Variants in RHBDD2 observed in about 807,000 individuals in gnomAD.
RHBDD2 encodes rhomboid domain-containing protein 2.
In RHBDD2, 13 loss-of-function variants were observed where a neutral mutation model predicts 21.7. The ratio of observed to expected loss-of-function variants is 0.60; its 90% CI spans 0.39 to 0.95. RHBDD2 has a LOEUF of 0.95. RHBDD2 is among the 40% of genes least tolerant of loss of function. The pLI, the probability that RHBDD2 is intolerant of heterozygous loss-of-function variation, is 0.00. For missense variants in RHBDD2, 473 were observed against 478.9 expected (o/e 0.99, Z 0.11); for synonymous variants, 225 against 220.0 (o/e 1.02, Z -0.20).
chr7:75,885,701 TGA>T, intron 3 of RHBDD2, among the ~76,000 whole-genome samples: 2 of 152,048 alleles, frequency 1.3e-5, no homozygotes, highest in East Asian at 3.9e-4. Flanking sequence ...CACCACACAT[TGA>T]GAGAGGGAGG....
chr7:75,879,045 AG>A lies in RHBDD2; in HGVS notation c.-37del, dbSNP rs1237864048. 2.9e-6 allele frequency: 4 copies of A among 1,365,222 alleles called. No homozygotes were observed. In the African/African-American group the frequency reaches 4.6e-5, roughly 16 times the overall value. 84.6% of individuals were successfully genotyped at this position (1,365,222 alleles called of 1,614,324 possible). ...GAGGCGGAAGGAGCAGAGGACCGGC[AG>A]CCGGCGTCGAGGCGGGGCGCGGGAA... is the stretch of plus-strand genomic sequence containing the variant. On this transcript the variant is annotated 5_prime_UTR_variant, in exon 1 of 4. Transcript: ENST00000006777.
chr7:75,886,769 G>A (rs529379013), intron 3 of RHBDD2, among the ~76,000 whole-genome samples: 175 of 151,514 alleles, frequency 1.2e-3, no homozygotes, highest in Non-Finnish European at 1.9e-3. Context: ...AGCCGAGATC[G>A]CGCCACTGCA....
At position 75,881,402 on chromosome 7, in the gene RHBDD2, G is replaced by A. The variant is rs958502763; in HGVS notation, c.179-427G>A. On this transcript the variant is annotated intron_variant, in intron 1 of 3. Transcript: ENST00000006777. ...GAGGGGTCAGGATTACAGCAGAGGA[G>A]ACTGGCACACAGAGTGTTAAGTGAC... The A allele has an allele frequency of 1.5e-5, 19 of 1,293,348 alleles. No individual in the cohort carries two copies. In the African/African-American group the frequency reaches 2.9e-4, roughly 20 times the overall value. The allele number at this position is 1,293,348 out of a possible 1,614,324, so 80.1% of individuals were successfully genotyped here.
At chr7:75,882,872 A>C (rs576890538) in intron 2 of RHBDD2, among the ~76,000 whole-genome samples, 1 of 152,212 alleles carries the variant, frequency 6.6e-6, no homozygotes, top group Admixed American at 6.5e-5. Flanking sequence ...GTGGCTGCCT[A>C]ATCAGTGGTG....
At chr7:75,887,056 C>T (rs1310527912) in intron 3 of RHBDD2, among the ~76,000 whole-genome samples, 2 of 151,782 alleles carry the variant, frequency 1.3e-5, no homozygotes, top group African/African-American at 4.8e-5. Flanking sequence ...AGGGCCATGT[C>T]ATGACACGCA....
intron 3 of RHBDD2, among the ~76,000 whole-genome samples, chr7:75,885,118 GAAAAAA>G: frequency 1.0e-5 from 1 of 99,624 alleles, no homozygotes; most frequent in Admixed American, 1.1e-4. Flanking sequence ...TGTCTCCCAA[GAAAAAA>G]AAAAAAAAAA....
Position 75,888,099 on chromosome 7 carries a change from C to T in RHBDD2, c.845C>T (p.Ser282Phe), listed in dbSNP as rs782341449. The change falls in exon 4 of 4, where the codon TCC (serine) becomes TTC (phenylalanine). Residue 282 changes from serine (S) to phenylalanine (F), a missense_variant. Transcript: ENST00000006777. ...CACGCCAGTGGTCAGAAGCTGGCCT[C>T]CTGGCCCTCCTGCACCCCCGGGCAC... ...TQHASGQKLA[S>F]WPSCTPGHMP... 6.2e-7 allele frequency: 1 copy of T among 1,613,816 alleles called. No homozygotes were observed. The highest frequency in any genetic ancestry group is 1.1e-5 in the South Asian group (1 of 91,084).
chr7:75,887,695 C>A (rs554377052), intron 3 of RHBDD2, among the ~76,000 whole-genome samples: 1 of 152,184 alleles, frequency 6.6e-6, no homozygotes, highest in East Asian at 1.9e-4. Context: ...CTGGTCCCAA[C>A]GCTCCATCTG....
intron 1 of RHBDD2, among the ~76,000 whole-genome samples, chr7:75,881,209 T>G (rs782807073): frequency 6.6e-6 from 1 of 152,216 alleles, no homozygotes; most frequent in Non-Finnish European, 1.5e-5. Flanking sequence ...GATTCTTTGA[T>G]GTCTTATTAC....
At chr7:75,884,655 T>C (rs782125578) in intron 3 of RHBDD2, among the ~76,000 whole-genome samples, 7 of 152,214 alleles carry the variant, frequency 4.6e-5, no homozygotes, top group Non-Finnish European at 7.3e-5. Context: ...TCTGCACAAC[T>C]GCTTCTGAAG....
chr7:75,879,481 A>G (rs1452516907), intron 1 of RHBDD2, among the ~76,000 whole-genome samples: 1 of 151,834 alleles, frequency 6.6e-6, no homozygotes, highest in African/African-American at 2.4e-5. Flanking sequence ...CTTCGTCATC[A>G]CTGTAATCCC....
In RHBDD2 at chr7:75,883,810, A is replaced by G; in HGVS notation, c.699A>G (p.Ser233=). 6.2e-7 allele frequency: 1 copy of G among 1,613,966 alleles called. No individual in the cohort carries two copies. The stretch of plus-strand genomic sequence containing the variant: ...GGATATCCGTGTTCAAGTACGTCTC[A>G]GGGTCTTCAGCCGAGAGGAGGGCAG... ...MRRISVFKYV[S]GSSAERRAAQ... Residue 233 remains serine, a synonymous_variant, in exon 3 of 4, where the codon TCA becomes TCG. Coordinates refer to ENST00000006777, the MANE Select transcript of RHBDD2 (RefSeq NM_001040456.3).
At chr7:75,881,448 AGCT>A in intron 1 of RHBDD2, 3 of 1,298,652 alleles carry the variant, frequency 2.3e-6, no homozygotes, top group Non-Finnish European at 3.0e-6. Context: ...TCCACCCCGA[AGCT>A]GTTACACTTA....
intron 3 of RHBDD2, among the ~76,000 whole-genome samples, chr7:75,887,409 C>T (rs939473429): frequency 6.6e-6 from 1 of 151,736 alleles, no homozygotes; most frequent in Non-Finnish European, 1.5e-5. Flanking sequence ...CCTCTGCCTC[C>T]CAGGTTCAAG....
rs1385832890 is a variant in RHBDD2 at position 75,883,750 on chromosome 7, G to T, written c.639G>T (p.Lys213Asn). 6.2e-6 allele frequency: 10 copies of T among 1,613,638 alleles called. No homozygotes were observed. Among genetic ancestry groups the T allele is most frequent in the Non-Finnish European group, 8.5e-6 (10 of 1,179,744 alleles). The change falls in exon 3 of 4, where the codon AAG becomes AAT. Residue 213 changes from lysine to asparagine, a missense_variant. Coordinates refer to ENST00000006777, the MANE Select transcript of RHBDD2 (RefSeq NM_001040456.3). ...SIDLSERVAL[K>N]LDQTFPFSLM... is the part of the protein sequence containing the mutation. ...ACCTCTCAGAGCGAGTGGCACTGAA[G>T]CTCGATCAGACCTTCCCCTTCAGCC...
intron 3 of RHBDD2, among the ~76,000 whole-genome samples, chr7:75,885,141 A>C (rs1329640268): frequency 6.7e-6 from 1 of 149,498 alleles, no homozygotes; most frequent in Non-Finnish European, 1.5e-5. Context: ...AAAAAGGTGC[A>C]GACAGTCCAC....
chr7:75,887,739 G>A (rs925858881), intron 3 of RHBDD2, among the ~76,000 whole-genome samples: 8 of 152,174 alleles, frequency 5.3e-5, no homozygotes, highest in Non-Finnish European at 7.4e-5. Flanking sequence ...TCACCCCTCC[G>A]GTGGTCTCAG....
chr7:75,887,755 G>A (rs1805767160), intron 3 of RHBDD2, among the ~76,000 whole-genome samples: 2 of 151,986 alleles, frequency 1.3e-5, no homozygotes, highest in African/African-American at 2.4e-5. Flanking sequence ...CTCAGTGGCA[G>A]GTCCAGTGTC....
At chr7:75,884,300 C>T (rs1234830684) in intron 3 of RHBDD2, among the ~76,000 whole-genome samples, 1 of 152,152 alleles carries the variant, frequency 6.6e-6, no homozygotes, top group African/African-American at 2.4e-5. Flanking sequence ...TAGCCCGCTA[C>T]AGCCTCACAC....
Sources: gnomAD v4.1 joint callset for allele counts (sites outside exome capture counted in the v4.1 genomes callset) on GRCh38, gnomAD v4.1.1 for gene constraint, MANE v1.5 for transcripts, NCBI Gene and HGNC (gene_info 2026-07-23, HGNC 2026-07-21) for gene names.